Variants in ANKRD11 observed in about 807,000 individuals in gnomAD.
ANKRD11 encodes the protein ankyrin repeat domain 11, also known as ankyrin repeat domain-containing protein 11.
ANKRD11 carries 17 observed loss-of-function variants against 195.7 expected under a neutral mutation model. The ratio of observed to expected loss-of-function variants is 0.09; its 90% CI spans 0.06 to 0.13. ANKRD11 has a LOEUF of 0.13. ANKRD11 is among the 10% of genes least tolerant of loss of function. The probability of loss-of-function intolerance (pLI) is 1.00; values close to 1 mark genes in which losing one functional copy is unlikely to be tolerated. For missense variants in ANKRD11, 3,735 were observed against 3,566.1 expected (o/e 1.05, Z -1.21); for synonymous variants, 1,953 against 1,528.1 (o/e 1.28, Z -6.49).
intron 7 of ANKRD11, chr16:89,286,721 T>C (rs1163110438): frequency 8.7e-6 from 11 of 1,267,980 alleles, no homozygotes; most frequent in Non-Finnish European, 1.1e-5. Flanking sequence ...TCTCCCTTGC[T>C]TGATTTTACA....
At chr16:89,432,824 C>G (rs72803364) in intron 1 of ANKRD11, among the ~76,000 whole-genome samples, 8,268 of 151,894 alleles carry the variant, frequency 0.054, 351 homozygotes, top group East Asian at 0.2. Flanking sequence ...GCCTGTGGTC[C>G]CAGCTACTCA....
Position 89,291,107 on chromosome 16 carries a change from C to A in ANKRD11, c.303G>T (p.Gly101=), listed in dbSNP as rs1377481139. The change falls in exon 5 of 13, where the codon GGG becomes GGT. Residue 101 remains glycine, a synonymous_variant. Coordinates refer to ENST00000301030, the MANE Select transcript of ANKRD11 (RefSeq NM_013275.6). This position sits in a 1 kb window ranked among gnomAD's most constrained non-coding sequence, Gnocchi z 5.3. ...GGTAGCCGGCTCGGATTCCAGACAG[C>A]CCCATGCCAAACAGCAGCCCGGCCT... is the stretch of plus-strand genomic sequence containing the variant. ...TRKAGLLFGM[G]LSGIRAGYPL... 2.5e-6 allele frequency: 4 copies of A among 1,613,916 alleles called. No individual in the cohort carries two copies. In the South Asian group the frequency reaches 3.3e-5, roughly 13 times the overall value.
intron 1 of ANKRD11, among the ~76,000 whole-genome samples, chr16:89,489,680 G>A (rs1287660921): frequency 6.6e-6 from 1 of 151,574 alleles, no homozygotes; most frequent in Non-Finnish European, 1.5e-5. Flanking sequence ...CGCCCGGCCA[G>A]CGCCCCCTGG....
In ANKRD11 at chr16:89,291,125, C is replaced by G; in HGVS notation, c.285G>C (p.Gly95=). Residue 95 remains glycine, a synonymous_variant, in exon 5 of 13, where the codon GGG becomes GGC. Transcript: ENST00000301030. This position sits in a 1 kb window ranked among gnomAD's most constrained non-coding sequence, Gnocchi z 5.3. ...CAGACAGCCCCATGCCAAACAGCAGCCCGGCCTTCCGGGTGACAGGCTCCT... is the reference window on the plus strand; with the variant it reads ...CAGACAGCCCCATGCCAAACAGCAGGCCGGCCTTCCGGGTGACAGGCTCCT... ...IKKEPVTRKA[G]LLFGMGLSGI... is the part of the protein sequence containing the mutation. The G allele has an allele frequency of 1.2e-5, 19 of 1,614,000 alleles. No individual in the cohort carries two copies. Among genetic ancestry groups the G allele is most frequent in the Non-Finnish European group, 1.6e-5 (19 of 1,179,986 alleles).
At chr16:89,351,285 C>A (rs1434702175) in intron 2 of ANKRD11, among the ~76,000 whole-genome samples, 1 of 152,124 alleles carries the variant, frequency 6.6e-6, no homozygotes, top group African/African-American at 2.4e-5. Context: ...GGCCGCCAAA[C>A]ACATCTGGAA....
intron 1 of ANKRD11, among the ~76,000 whole-genome samples, chr16:89,457,104 C>T (rs1379776366): frequency 1.3e-5 from 2 of 148,942 alleles, no homozygotes; most frequent in African/African-American, 4.9e-5. Flanking sequence ...GGACTACAGG[C>T]GCCCGCCACT....
intron 2 of ANKRD11, among the ~76,000 whole-genome samples, chr16:89,338,424 T>TAAA (rs397854933): frequency 3.9e-5 from 5 of 127,040 alleles, no homozygotes; most frequent in African/African-American, 8.9e-5. Context: ...TACACTCTGT[T>TAAA]AAAAAAAAAA....
rs765896866 is a variant in ANKRD11 at position 89,290,701 on chromosome 16, G to A, written c.525C>T (p.Ala175=). 8 of 1,613,964 alleles carry A rather than the reference G, an allele frequency of 5.0e-6. No individual in the cohort carries two copies. The highest frequency in any genetic ancestry group is 1.7e-5 in the Admixed American group (1 of 60,014). ...NERGETRLHR[A]AIRGDARRIK... is the part of the protein sequence containing the mutation. ...TGCGCCGGGCGTCCCCGCGGATGGCGGCTCGGTGCAGGCGGGTCTCTCCAC... is the reference window on the plus strand; with the variant it reads ...TGCGCCGGGCGTCCCCGCGGATGGCAGCTCGGTGCAGGCGGGTCTCTCCAC... The change falls in exon 6 of 13, where the codon GCC becomes GCT. Residue 175 remains alanine (A), a synonymous_variant. Transcript: ENST00000301030.
rs748284107 is a variant in ANKRD11 at position 89,285,443 on chromosome 16, A to G, written c.1099T>C (p.Leu367=). The part of the protein sequence containing the change: ...RVPPVDDKHL[L]KKDYRKETKS... ...GTTTCTTTTCTGTAGTCCTTTTTCA[A>G]TAGGTGCTTGTCGTCCACCGGAGGA... The change falls in exon 9 of 13, where the codon TTG becomes CTG. Residue 367 remains leucine (L), a synonymous_variant. Transcript: ENST00000301030. The surrounding 1 kb of genome is among the most constrained non-coding windows in gnomAD (Gnocchi z 5.6). 2.6e-4 allele frequency: 423 copies of G among 1,613,962 alleles called. No individual in the cohort carries two copies. Among genetic ancestry groups the G allele is most frequent in the Non-Finnish European group, 3.3e-4 (388 of 1,179,986 alleles).
At chr16:89,456,513 A>T (rs2056443227) in intron 1 of ANKRD11, among the ~76,000 whole-genome samples, 1 of 151,334 alleles carries the variant, frequency 6.6e-6, no homozygotes, top group Non-Finnish European at 1.5e-5. Flanking sequence ...ACGCCACTCC[A>T]GGCTGGGTGA....
chr16:89,328,234 C>G (rs773497319), intron 2 of ANKRD11, among the ~76,000 whole-genome samples: 1 of 152,194 alleles, frequency 6.6e-6, no homozygotes, highest in South Asian at 2.1e-4. Context: ...CTGGAACTCT[C>G]TCGCTTGCTG....
intron 2 of ANKRD11, among the ~76,000 whole-genome samples, chr16:89,380,445 T>C (rs528349336): frequency 3.2e-4 from 48 of 152,132 alleles, no homozygotes; most frequent in Non-Finnish European, 5.4e-4. Flanking sequence ...TTCTCCTAAG[T>C]GGATTAGAGC....
At position 89,316,918 on chromosome 16, in the gene ANKRD11, A is replaced by AG; in HGVS notation, c.87+14dup. On this transcript the variant is annotated intron_variant, in intron 3 of 12. Transcript: ENST00000301030. The stretch of plus-strand genomic sequence containing the variant: ...GGTGCGGTGAGCATGCAGGGCTGGG[A>AG]GGGGGCAGCATTACCTTTTTCCCAG... 6.2e-7 allele frequency: 1 copy of AG among 1,611,842 alleles called. No individual in the cohort carries two copies.
At chr16:89,460,512 T>G (rs1487965575) in intron 1 of ANKRD11, among the ~76,000 whole-genome samples, 1 of 152,144 alleles carries the variant, frequency 6.6e-6, no homozygotes, top group Non-Finnish European at 1.5e-5. Flanking sequence ...TGAGCCAAGA[T>G]AGTGCCATTG....
intron 1 of ANKRD11, among the ~76,000 whole-genome samples, chr16:89,473,152 C>T (rs1456523851): frequency 6.6e-6 from 1 of 150,718 alleles, no homozygotes; most frequent in Non-Finnish European, 1.5e-5. Context: ...TGCCCTCCAG[C>T]CGAGGCAAGA....
At chr16:89,459,116 A>G in intron 1 of ANKRD11, 1 of 195,754 alleles carries the variant, frequency 5.1e-6, no homozygotes, top group Non-Finnish European at 1.1e-5. Context: ...CAATGCTAAG[A>G]ATAAATTCTT....
At position 89,307,269 on chromosome 16, in the gene ANKRD11, C is replaced by T. The variant is rs141627778; in HGVS notation, c.88-1925G>A. 3.8e-4 allele frequency among the ~76,000 whole-genome samples: 58 copies of T among 152,324 alleles called. 1 individual carries two copies. The highest frequency in any genetic ancestry group is 1.3e-3 in the African/African-American group (52 of 41,568). On this transcript the variant is annotated intron_variant, in intron 3 of 12. Coordinates refer to ENST00000301030, the MANE Select transcript of ANKRD11 (RefSeq NM_013275.6). ...CAACTGTTCCTGGGAGAAGCCCAAGCATCCCCAGCCACGGTCCTGCCTCCT... is the reference window on the plus strand; with the variant it reads ...CAACTGTTCCTGGGAGAAGCCCAAGTATCCCCAGCCACGGTCCTGCCTCCT...
intron 12 of ANKRD11, chr16:89,270,335 G>A (rs1049332224): frequency 5.5e-5 from 9 of 162,504 alleles, no homozygotes; most frequent in African/African-American, 5.3e-4. Flanking sequence ...GTAAAGTTCT[G>A]TAACTTTTGG....
chr16:89,422,879 C>G (rs907766810), intron 1 of ANKRD11, among the ~76,000 whole-genome samples: 12 of 152,134 alleles, frequency 7.9e-5, no homozygotes, highest in African/African-American at 2.9e-4. Context: ...TCACTTTTTT[C>G]TTTTTTTCTT....
Sources: gnomAD v4.1 joint callset for allele counts (sites outside exome capture counted in the v4.1 genomes callset) on GRCh38, gnomAD v4.1.1 for gene constraint, Gnocchi (gnomAD v3.1) non-coding constraint, MANE v1.5 for transcripts, NCBI Gene and HGNC (gene_info 2026-07-23, HGNC 2026-07-21) for gene names.